Variants in CNTNAP3B observed in about 807,000 individuals in gnomAD.
The protein encoded by CNTNAP3B is contactin associated protein family member 3B, also known as contactin-associated protein-like 3B.
Under a neutral mutation model 108.9 loss-of-function variants are expected in CNTNAP3B, and 25 were observed. The ratio of observed to expected loss-of-function variants is 0.23; its 90% CI spans 0.17 to 0.32. The LOEUF (loss-of-function observed/expected upper bound fraction) is 0.32, where lower values mean the gene tolerates loss of function less well. CNTNAP3B is among the 10% of genes least tolerant of loss of function. CNTNAP3B has a pLI of 1.00. For missense variants in CNTNAP3B, 252 were observed against 1,210.4 expected (o/e 0.21, Z 11.75); for synonymous variants, 103 against 473.4 (o/e 0.22, Z 10.16).
chr9:42,067,901 T>C (rs1259765111), intron 3 of CNTNAP3B, among the ~76,000 whole-genome samples: 1 of 128,782 alleles, frequency 7.8e-6, no homozygotes, highest in Non-Finnish European at 1.6e-5. Context: ...TGAATGTTCA[T>C]CAGAAACTAG....
intron 15 of CNTNAP3B, among the ~76,000 whole-genome samples, chr9:41,925,158 C>T (rs1424680827): frequency 6.7e-6 from 1 of 150,230 alleles, no homozygotes; most frequent in African/African-American, 2.5e-5. Context: ...ACAACTTTAC[C>T]CAGTTTAAAA....
rs372393096 is a variant in CNTNAP3B at position 42,111,926 on chromosome 9, A to G, written c.86-7187T>C. The stretch of plus-strand genomic sequence containing the variant: ...ACCAGAGCAGAAACGGTTTTAAACT[A>G]TTGCTGAGTGCAAGTCACACAAACA... On this transcript the variant is annotated intron_variant, in intron 1 of 23. Transcript: ENST00000377561. 6.5e-5 allele frequency among the ~76,000 whole-genome samples: 9 copies of G among 138,898 alleles called. 2 individuals carry two copies. The East Asian group carries it at 1.3e-3, about 20-fold the overall frequency. 91.1% of individuals were successfully genotyped at this position (138,898 alleles called of 152,430 possible).
At chr9:41,918,592 T>C (rs568788732) in intron 18 of CNTNAP3B, among the ~76,000 whole-genome samples, 1 of 142,976 alleles carries the variant, frequency 7.0e-6, no homozygotes, top group Non-Finnish European at 1.5e-5. Flanking sequence ...CAGATCATTC[T>C]TATTAGATTA....
rs1827260713 is a variant in CNTNAP3B at position 42,066,175 on chromosome 9, T to A, written c.390+10694A>T. ...ATCTTTACATTACTGAGTCTTCATA[T>A]CCATAAATGAGAATTTACACAGATC... On this transcript the variant is annotated intron_variant, in intron 3 of 23. Coordinates refer to ENST00000377561, the MANE Select transcript of CNTNAP3B (RefSeq NM_001201380.3). Among the ~76,000 whole-genome samples, 3 of 137,542 alleles carry A rather than the reference T, an allele frequency of 2.2e-5. 1 individual carries two copies. Among genetic ancestry groups the A allele is most frequent in the Non-Finnish European group, 4.7e-5 (3 of 64,474 alleles). The allele number at this position is 137,542 out of a possible 152,430, so 90.2% of individuals were successfully genotyped here.
intron 13 of CNTNAP3B, among the ~76,000 whole-genome samples, chr9:41,945,371 G>A (rs1288158884): frequency 2.6e-5 from 4 of 152,300 alleles, no homozygotes; most frequent in Non-Finnish European, 1.5e-5. Flanking sequence ...CAACCCAAAT[G>A]TCCATCAATG....
At chr9:41,946,050 T>C (rs1824525394) in intron 13 of CNTNAP3B, among the ~76,000 whole-genome samples, 1 of 151,962 alleles carries the variant, frequency 6.6e-6, no homozygotes, top group Non-Finnish European at 1.5e-5. Context: ...TAATGCTTAA[T>C]ATGTATATAC....
chr9:41,969,043 G>A (rs1284560396), intron 10 of CNTNAP3B, among the ~76,000 whole-genome samples: 101 of 152,338 alleles, frequency 6.6e-4, no homozygotes, highest in Non-Finnish European at 1.1e-3. Context: ...TGATCCGCCC[G>A]CCTTGGCCTC....
chr9:41,950,720 A>T (rs1329432413), intron 13 of CNTNAP3B, among the ~76,000 whole-genome samples: 2 of 150,512 alleles, frequency 1.3e-5, no homozygotes, highest in Non-Finnish European at 3.0e-5. Context: ...GTGGTTATTA[A>T]CGAGCAATAG....
chr9:41,957,800 AC>A (rs1176859170), intron 12 of CNTNAP3B, among the ~76,000 whole-genome samples: 3 of 152,276 alleles, frequency 2.0e-5, no homozygotes, highest in Admixed American at 1.3e-4. Flanking sequence ...TCGCTCTGTC[AC>A]CCAGGCTGGA....
chr9:41,916,178 A>G (rs1486620231), intron 18 of CNTNAP3B, among the ~76,000 whole-genome samples: 1 of 147,206 alleles, frequency 6.8e-6, no homozygotes, highest in Non-Finnish European at 1.5e-5. Context: ...CCTCTGACTC[A>G]TGTTACCATT....
chr9:41,967,553 TAAC>T lies in CNTNAP3B; in HGVS notation c.1649+2518_1649+2520del, dbSNP rs1162159586. On this transcript the variant is annotated intron_variant, in intron 10 of 23. Transcript: ENST00000377561. ...ATTAGATTTTTGTTTGTTTGTTTGT[TAAC>T]AACAACAAAGAAAGGCTGATAGATG... Among the ~76,000 whole-genome samples the T allele has an allele frequency of 7.9e-5, 12 of 152,406 alleles. No individual in the cohort carries two copies. The South Asian group carries it at 1.0e-3, about 13-fold the overall frequency.
chr9:41,934,410 C>T (rs1232455094), intron 14 of CNTNAP3B, among the ~76,000 whole-genome samples: 3 of 152,346 alleles, frequency 2.0e-5, no homozygotes, highest in East Asian at 1.9e-4. Flanking sequence ...TTAGTAGAGA[C>T]GGGGTTTCAC....
At chr9:42,109,210 G>A (rs1336202363) in intron 1 of CNTNAP3B, among the ~76,000 whole-genome samples, 1 of 139,378 alleles carries the variant, frequency 7.2e-6, no homozygotes, top group Admixed American at 7.1e-5. Context: ...AACATGGGAG[G>A]GAGATGTGTA....
At chr9:41,931,434 G>T (rs955987548) in intron 14 of CNTNAP3B, among the ~76,000 whole-genome samples, 1 of 152,250 alleles carries the variant, frequency 6.6e-6, no homozygotes, top group Non-Finnish European at 1.5e-5. Context: ...CTCGACTTTT[G>T]TACCCATTAA....
chr9:41,931,069 T>A (rs1243494580), intron 14 of CNTNAP3B, among the ~76,000 whole-genome samples: 1 of 152,424 alleles, frequency 6.6e-6, no homozygotes, highest in African/African-American at 2.4e-5. Flanking sequence ...CTGTATTTTT[T>A]AAATTGCCCA....
At chr9:41,972,573 T>C (rs1039188946) in intron 9 of CNTNAP3B, among the ~76,000 whole-genome samples, 1 of 138,974 alleles carries the variant, frequency 7.2e-6, no homozygotes, top group Non-Finnish European at 1.5e-5. Flanking sequence ...AGTAAAAGCC[T>C]CCCTCATATT....
intron 11 of CNTNAP3B, among the ~76,000 whole-genome samples, chr9:41,963,150 G>T (rs1339186521): frequency 2.0e-5 from 3 of 152,416 alleles, no homozygotes; most frequent in Non-Finnish European, 4.4e-5. Flanking sequence ...ATGAAGTGTG[G>T]TTTTAACACT....
intron 11 of CNTNAP3B, among the ~76,000 whole-genome samples, chr9:41,961,985 A>G: frequency 6.6e-6 from 1 of 152,304 alleles, no homozygotes; most frequent in East Asian, 1.9e-4. Context: ...ATTAATAACA[A>G]TACTTAAATA....
chr9:41,919,106 T>C (rs925913955), intron 18 of CNTNAP3B, among the ~76,000 whole-genome samples: 9 of 152,256 alleles, frequency 5.9e-5, no homozygotes, highest in African/African-American at 2.2e-4. Flanking sequence ...TACAGAGTAC[T>C]TAATACTAAA....
Sources: gnomAD v4.1 joint callset for allele counts (sites outside exome capture counted in the v4.1 genomes callset) on GRCh38, gnomAD v4.1.1 for gene constraint, MANE v1.5 for transcripts, NCBI Gene and HGNC (gene_info 2026-07-23, HGNC 2026-07-21) for gene names.